The following SAXO5 variants were observed in gnomAD, a reference collection of about 807,000 sequenced individuals.
SAXO5 encodes the protein testis expressed 45.
chr19:7,505,317 C>T, the SAXO5 span: 15 of 1,612,548 alleles, frequency 9.3e-6, no homozygotes, highest in African/African-American at 1.7e-4. Flanking sequence ...TAATACACTA[C>T]GTACAGGTAT....
chr19:7,504,429 C>A, the SAXO5 span: 1 of 1,593,390 alleles, frequency 6.3e-7, no homozygotes, highest in African/African-American at 1.3e-5. Flanking sequence ...GGGGCCACTG[C>A]GGGCACGGTG....
chr19:7,505,259 AG>A, the SAXO5 span: 1 of 1,479,050 alleles, frequency 6.8e-7, no homozygotes, highest in Non-Finnish European at 9.5e-7. Context: ...CTGAGATTAC[AG>A]GGGTGGGCCA....
chr19:7,506,139 A>G, the SAXO5 span: 4 of 1,610,832 alleles, frequency 2.5e-6, no homozygotes, highest in Non-Finnish European at 3.4e-6. Context: ...CACTTGCAGC[A>G]AAGCTACCTG....
At chr19:7,498,631 G>A in the SAXO5 span, among the ~76,000 whole-genome samples, 2 of 152,224 alleles carry the variant, frequency 1.3e-5, no homozygotes, top group East Asian at 3.9e-4. Context: ...CCGACCTCAG[G>A]AGATCTGCCC....
chr19:7,505,999 G>T, the SAXO5 span: 10 of 1,599,362 alleles, frequency 6.3e-6, no homozygotes, highest in Non-Finnish European at 7.7e-6. Context: ...GCCGCCACGT[G>T]CCTCATGAGA....
chr19:7,505,642 GA>G, the SAXO5 span: 1 of 1,611,190 alleles, frequency 6.2e-7, no homozygotes, highest in Non-Finnish European at 8.5e-7. Flanking sequence ...CAGGAAGAGC[GA>G]AAAGGCGGCA....
At chr19:7,505,873 C>A in the SAXO5 span, 20 of 1,311,254 alleles carry the variant, frequency 1.5e-5, no homozygotes, top group Admixed American at 4.6e-5. Flanking sequence ...AGGGAGCTGT[C>A]CAAGGTCACA....
At chr19:7,505,519 C>A in the SAXO5 span, 14 of 1,614,202 alleles carry the variant, frequency 8.7e-6, no homozygotes, top group Non-Finnish European at 1.0e-5. Context: ...TCTGGCAGAG[C>A]CTTTTGTTCT....
chr19:7,502,684 C>T, the SAXO5 span, among the ~76,000 whole-genome samples: 15 of 152,114 alleles, frequency 9.9e-5, no homozygotes, highest in Non-Finnish European at 1.5e-4. Flanking sequence ...ACACCCTCCT[C>T]CCCACACCCC....
the SAXO5 span, chr19:7,501,109 T>C: frequency 4.8e-5 from 72 of 1,504,990 alleles, no homozygotes; most frequent in African/African-American, 9.7e-4. Flanking sequence ...CCGTGGGAGC[T>C]GCTGCAAGCG....
chr19:7,505,902 TC>T, the SAXO5 span: 39 of 1,459,172 alleles, frequency 2.7e-5, no homozygotes, highest in South Asian at 5.3e-5. Context: ...ACCTCCTCCC[TC>T]CCCCCCGGGC....
chr19:7,501,413 C>G, the SAXO5 span: 80 of 1,467,820 alleles, frequency 5.5e-5, no homozygotes, highest in Non-Finnish European at 6.8e-5. Context: ...AGCGCGCGCC[C>G]GGGCTGAGTG....
At chr19:7,501,235 C>T in the SAXO5 span, 1 of 1,554,324 alleles carries the variant, frequency 6.4e-7, no homozygotes, top group Non-Finnish European at 8.6e-7. Flanking sequence ...CCCGAGCTGC[C>T]GGCGCGCACC....
chr19:7,500,855 C>A, the SAXO5 span: 4 of 1,541,290 alleles, frequency 2.6e-6, no homozygotes, highest in African/African-American at 1.4e-5. Flanking sequence ...CGTGCTCGCG[C>A]CCGTGCCCGA....
chr19:7,500,269 G>C, the SAXO5 span, among the ~76,000 whole-genome samples: 1 of 151,972 alleles, frequency 6.6e-6, no homozygotes, highest in Non-Finnish European at 1.5e-5. Context: ...GGTGCCTACT[G>C]TGTGCCAGGC....
At chr19:7,501,127 G>C in the SAXO5 span, 14 of 1,507,064 alleles carry the variant, frequency 9.3e-6, no homozygotes, top group South Asian at 1.7e-4. Context: ...GCGCAGGCGC[G>C]GGAACGCACG....
At chr19:7,501,661 A>T in the SAXO5 span, among the ~76,000 whole-genome samples, 1 of 151,486 alleles carries the variant, frequency 6.6e-6, no homozygotes, top group Non-Finnish European at 1.5e-5. Flanking sequence ...GCCTCTACTA[A>T]AATACAAAAA....
chr19:7,501,784 G>A, the SAXO5 span, among the ~76,000 whole-genome samples: 17 of 151,802 alleles, frequency 1.1e-4, no homozygotes, highest in Non-Finnish European at 2.5e-4. Flanking sequence ...TTGTGCCACC[G>A]CATTCCAACC....
At chr19:7,501,734 T>C in the SAXO5 span, among the ~76,000 whole-genome samples, 3 of 151,864 alleles carry the variant, frequency 2.0e-5, no homozygotes, top group African/African-American at 7.3e-5. Context: ...GGCAGGAGAA[T>C]CGCTTGAACC....
Sources: gnomAD v4.1 joint callset for allele counts (sites outside exome capture counted in the v4.1 genomes callset) on GRCh38, gnomAD v4.1.1 for gene constraint, MANE v1.5 for transcripts, NCBI Gene and HGNC (gene_info 2026-07-23, HGNC 2026-07-21) for gene names.